MRAP: variants seen among roughly 807,000 people sequenced by gnomAD.
The protein encoded by MRAP is melanocortin-2 receptor accessory protein.
In MRAP, 8 loss-of-function variants were observed where a neutral mutation model predicts 8.7. The ratio of observed to expected loss-of-function variants is 0.92; its 90% confidence interval spans 0.54 to 1.66. MRAP has a LOEUF of 1.66. Ranked by LOEUF, MRAP falls within the 40% of genes most tolerant of loss-of-function variation. The pLI, the probability that MRAP is intolerant of heterozygous loss-of-function variation, is 0.00. For missense variants in MRAP, 237 were observed against 217.1 expected (o/e 1.09, Z -0.58); for synonymous variants, 95 against 95.5 (o/e 1.00, Z 0.03).
chr21:32,298,761 T>C, upstream of MRAP: 1 of 527,610 alleles, frequency 1.9e-6, no homozygotes, highest in Non-Finnish European at 3.5e-6. Flanking sequence ...GATGGGAAGC[T>C]CTGCTGGATG....
At position 32,306,461 on chromosome 21, in the gene MRAP, C is replaced by T; in HGVS notation, c.107-179C>T. 3 of 671,896 alleles carry T rather than the reference C, an allele frequency of 4.5e-6. No individual in the cohort carries two copies. The South Asian group carries it at 4.8e-5, about 11-fold the overall frequency. 41.6% of individuals were successfully genotyped at this position (671,896 alleles called of 1,614,324 possible). A position where few individuals can be genotyped will look rare whatever the true frequency, so the allele number is the denominator to read the frequency against. ...AGGAAAAAGACACTTCTTGGCTCCC[C>T]TGTTCTTTCCCAAAGTTATTGTTAA... is the stretch of plus-strand genomic sequence containing the variant. On this transcript the variant is annotated intron_variant, in intron 1 of 2. Coordinates refer to ENST00000303645, the MANE Select transcript of MRAP (RefSeq NM_001379228.1).
chr21:32,307,576 CAA>C (rs1175455972), intron 2 of MRAP, among the ~76,000 whole-genome samples: 130 of 60,356 alleles, frequency 2.2e-3, no homozygotes, highest in African/African-American at 5.7e-3. Flanking sequence ...GACTCCGTCT[CAA>C]AAAAAAAAAA....
At chr21:32,308,260 C>G (rs1163025208) in intron 2 of MRAP, among the ~76,000 whole-genome samples, 1 of 151,992 alleles carries the variant, frequency 6.6e-6, no homozygotes, top group Non-Finnish European at 1.5e-5. Flanking sequence ...TGCCTGTAAT[C>G]CCAGCTACTC....
chr21:32,296,563 A>G (rs1392128310), upstream of MRAP, among the ~76,000 whole-genome samples: 1 of 152,168 alleles, frequency 6.6e-6, no homozygotes, highest in African/African-American at 2.4e-5. Flanking sequence ...GTCTACTTAC[A>G]CGAATCTAGA....
chr21:32,296,298 C>A (rs1569023906), upstream of MRAP, among the ~76,000 whole-genome samples: 1 of 152,120 alleles, frequency 6.6e-6, no homozygotes, highest in African/African-American at 2.4e-5. Flanking sequence ...GTGAAGGCTT[C>A]AACTTAGGAA....
At chr21:32,312,315 A>T, downstream of MRAP, 1 of 1,288,156 alleles carries the variant, frequency 7.8e-7, no homozygotes, top group Non-Finnish European at 9.9e-7. Flanking sequence ...AATCTTTACT[A>T]TGCCACTTTA....
chr21:32,294,239 C>A (rs1341017951), upstream of MRAP, among the ~76,000 whole-genome samples: 1 of 152,102 alleles, frequency 6.6e-6, no homozygotes, highest in African/African-American at 2.4e-5. Flanking sequence ...CTCAGCCTCC[C>A]GAGTAGCTGG....
chr21:32,311,826 A>T lies in MRAP; in HGVS notation c.349A>T (p.Thr117Ser), dbSNP rs2032582720. ...GAGCTCAGTGGAGCCAGGGAGCAGA[A>T]CTGGCCCTGACCAGCCGCTACGACA... The part of the protein sequence containing the change: ...QASSVEPGSR[T>S]GPDQPLRQES... The change falls in exon 3 of 3, where the codon ACT (threonine) becomes TCT (serine). Residue 117 changes from threonine (T) to serine (S), a missense_variant. Thr to Ser is a moderately conservative substitution (Grantham distance 58, BLOSUM62 1). Coordinates refer to ENST00000303645, the MANE Select transcript of MRAP (RefSeq NM_001379228.1). The T allele has an allele frequency of 1.9e-6, 3 of 1,613,764 alleles. No individual in the cohort carries two copies. The highest frequency in any genetic ancestry group is 2.5e-6 in the Non-Finnish European group (3 of 1,180,050).
chr21:32,314,609 T>C, downstream of MRAP: 1 of 1,614,228 alleles, frequency 6.2e-7, no homozygotes, highest in South Asian at 1.1e-5. Flanking sequence ...TCGAGCTATT[T>C]CCTGTGATGA....
chr21:32,306,757 T>C lies in MRAP; in HGVS notation c.206+18T>C, dbSNP rs745705566. 1.2e-6 allele frequency: 2 copies of C among 1,602,308 alleles called. No individual in the cohort carries two copies. The highest frequency in any genetic ancestry group is 1.7e-6 in the Non-Finnish European group (2 of 1,169,346). ...CAGATGAGGTGGGTAAGAAGGGGTGTGAGTCTGTGGGTCACTCAGACGCTC... is the reference window on the plus strand; with the variant it reads ...CAGATGAGGTGGGTAAGAAGGGGTGCGAGTCTGTGGGTCACTCAGACGCTC... On this transcript the variant is annotated intron_variant, in intron 2 of 2. Transcript: ENST00000303645.
downstream of MRAP, chr21:32,314,313 T>C (rs187926150): frequency 2.2e-4 from 91 of 423,204 alleles, no homozygotes; most frequent in Admixed American, 3.0e-3. Context: ...GCCTCCCGAG[T>C]AGCTGGAATT....
chr21:32,298,844 C>T, upstream of MRAP: 1 of 720,370 alleles, frequency 1.4e-6, no homozygotes, highest in Non-Finnish European at 2.5e-6. Context: ...AGACCTTGAG[C>T]CTAGAGACCC....
chr21:32,304,115 T>C (rs1185876563), intron 1 of MRAP, among the ~76,000 whole-genome samples: 1 of 152,190 alleles, frequency 6.6e-6, no homozygotes, highest in Non-Finnish European at 1.5e-5. Context: ...CCTCAAACCC[T>C]GCACTATTTT....
At chr21:32,292,337 T>A (rs1202150583) in intron 1 of MRAP, among the ~76,000 whole-genome samples, 2 of 152,262 alleles carry the variant, frequency 1.3e-5, no homozygotes, top group African/African-American at 4.8e-5. Context: ...GAATTAATTA[T>A]GCTTTCTCAC....
chr21:32,309,459 T>C (rs35304892), intron 2 of MRAP, among the ~76,000 whole-genome samples: 12 of 150,322 alleles, frequency 8.0e-5, no homozygotes, highest in Non-Finnish European at 1.6e-4. Context: ...ATTTTTTTTT[T>C]TTTGTTTTTG....
chr21:32,298,701 TCTC>T, upstream of MRAP: 1 of 424,882 alleles, frequency 2.4e-6, no homozygotes, highest in Non-Finnish European at 4.4e-6. Flanking sequence ...GGAAAGCCGT[TCTC>T]CTGCCTCTCT....
intron 1 of MRAP, among the ~76,000 whole-genome samples, chr21:32,304,246 T>G (rs2833759): frequency 0.19 from 28,376 of 152,142 alleles, 4,049 homozygotes; most frequent in African/African-American, 0.4. Context: ...TAAAATAGAT[T>G]GTAACTCTTC....
intron 1 of MRAP, among the ~76,000 whole-genome samples, chr21:32,300,769 G>A (rs952975949): frequency 6.8e-5 from 10 of 146,536 alleles, no homozygotes; most frequent in South Asian, 4.4e-4. Flanking sequence ...TGTCAGGGGC[G>A]TCATGCCTCC....
At chr21:32,300,008 T>A (rs576352599) in intron 1 of MRAP, among the ~76,000 whole-genome samples, 1 of 152,244 alleles carries the variant, frequency 6.6e-6, no homozygotes, top group East Asian at 1.9e-4. Context: ...CCTGGGAAGA[T>A]TGGGTCTCAG....
Sources: allele counts gnomAD v4.1 joint callset (sites outside exome capture counted in the v4.1 genomes callset), GRCh38; gene constraint gnomAD v4.1.1; transcripts MANE v1.5; gene names NCBI Gene and HGNC (gene_info 2026-07-23, HGNC 2026-07-21).